Variants in PARD3 observed in about 807,000 individuals in gnomAD.
PARD3 encodes partitioning defective 3 homolog.
In PARD3, 75 loss-of-function variants were observed where a neutral mutation model predicts 155.4. The observed-to-expected ratio is 0.48, with a 90% CI of 0.40 to 0.58. The LOEUF is 0.58. Among genes scored for constraint, PARD3 ranks in the 20% least tolerant of loss-of-function variants. The pLI is 0.00. For missense variants in PARD3, 1,642 were observed against 1,721.7 expected, an observed-to-expected ratio of 0.95 and a Z score of 0.82; for synonymous variants, 576 against 610.5, an observed-to-expected ratio of 0.94 and a Z score of 0.83.
In PARD3 at chr10:34,145,719, C is replaced by T. The variant is rs372442042; in HGVS notation, c.3420-14136G>A. On this transcript the variant is annotated intron_variant, in intron 22 of 24. Coordinates refer to ENST00000374788, the MANE Select transcript of PARD3 (RefSeq NM_001184785.2). ...TAATTCCTTAATATTTTTCTCTTCT[C>T]TTAATTTTATGTTTCCTCCAAGTTC... Among the ~76,000 whole-genome samples the T allele has an allele frequency of 6.8e-4, 104 of 152,122 alleles. 1 individual carries two copies. The highest frequency in any genetic ancestry group is 2.1e-3 in the African/African-American group (88 of 41,460).
chr10:34,791,296 G>T (rs533129270), intron 1 of PARD3, among the ~76,000 whole-genome samples: 1 of 152,268 alleles, frequency 6.6e-6, no homozygotes, highest in South Asian at 2.1e-4. Flanking sequence ...ACTGGCCTGA[G>T]TCTCATCACC....
intron 1 of PARD3, among the ~76,000 whole-genome samples, chr10:34,704,121 G>A (rs2094327527): frequency 6.6e-6 from 1 of 152,140 alleles, no homozygotes; most frequent in South Asian, 2.1e-4. Flanking sequence ...GACCAGTCCA[G>A]ACACCCCAAA....
At chr10:34,407,515 G>A (rs1381641277) in intron 5 of PARD3, among the ~76,000 whole-genome samples, 2 of 152,220 alleles carry the variant, frequency 1.3e-5, no homozygotes, top group Non-Finnish European at 2.9e-5. Flanking sequence ...TGCCATAGTC[G>A]TAAGCTGCTG....
chr10:34,252,612 G>A (rs1027186469), intron 22 of PARD3, among the ~76,000 whole-genome samples: 5 of 152,110 alleles, frequency 3.3e-5, no homozygotes, highest in African/African-American at 1.2e-4. Context: ...GGATCATCCC[G>A]ACACAGTGGA....
At chr10:34,161,245 G>A (rs1401777467) in intron 22 of PARD3, among the ~76,000 whole-genome samples, 157 of 118,546 alleles carry the variant, frequency 1.3e-3, no homozygotes, top group East Asian at 4.3e-3. Flanking sequence ...ACCCTGTCTT[G>A]AAAAAAAAAA....
intron 20 of PARD3, among the ~76,000 whole-genome samples, chr10:34,309,461 G>T (rs549744124): frequency 6.7e-6 from 1 of 148,432 alleles, no homozygotes; most frequent in South Asian, 2.2e-4. Context: ...GGAAGGCTGA[G>T]GTGGGAGCAT....
At chr10:34,687,644 ATTCCTGC>A (rs2093973164) in intron 2 of PARD3, among the ~76,000 whole-genome samples, 1 of 152,112 alleles carries the variant, frequency 6.6e-6, no homozygotes, top group South Asian at 2.1e-4. Context: ...ACATGACATC[ATTCCTGC>A]TCAAAGCAAA....
At chr10:34,400,406 T>C (rs1485455310) in intron 6 of PARD3, among the ~76,000 whole-genome samples, 1 of 152,230 alleles carries the variant, frequency 6.6e-6, no homozygotes, top group Middle Eastern at 3.2e-3. Context: ...TTAATGAAAA[T>C]TTGTATAGAC....
At chr10:34,695,601 A>C (rs1181483915) in intron 2 of PARD3, among the ~76,000 whole-genome samples, 1 of 151,886 alleles carries the variant, frequency 6.6e-6, no homozygotes, top group East Asian at 1.9e-4. Flanking sequence ...TCCTCTCAAG[A>C]GTACAGAAAA....
chr10:34,182,571 C>T (rs998311738), intron 22 of PARD3, among the ~76,000 whole-genome samples: 72 of 152,162 alleles, frequency 4.7e-4, no homozygotes, highest in African/African-American at 1.5e-3. Flanking sequence ...GAATCAATTT[C>T]GGAAAACACC....
rs904889020 is a variant in PARD3 at position 34,461,608 on chromosome 10, GA to G, written c.582+8476del. On this transcript the variant is annotated intron_variant, in intron 4 of 24. Transcript: ENST00000374788. ...GCGACAGAGTGAGACTCCATCTCAA[GA>G]AAAATAAATAAATAAATAAAAAGAT... is the stretch of plus-strand genomic sequence containing the variant. Among the ~76,000 whole-genome samples the G allele has an allele frequency of 3.4e-4, 51 of 151,854 alleles. 1 individual carries two copies. The highest frequency in any genetic ancestry group is 1.2e-3 in the African/African-American group (49 of 41,330).
At chr10:34,436,707 C>A (rs1420657984) in intron 5 of PARD3, among the ~76,000 whole-genome samples, 1 of 152,052 alleles carries the variant, frequency 6.6e-6, no homozygotes, top group Non-Finnish European at 1.5e-5. Context: ...AACCTTAATG[C>A]CCATCAATAA....
chr10:34,562,966 T>G (rs890068284), intron 2 of PARD3, among the ~76,000 whole-genome samples: 1 of 152,096 alleles, frequency 6.6e-6, no homozygotes, highest in Non-Finnish European at 1.5e-5. Flanking sequence ...GACAGGTGTC[T>G]ACCTTTGTTG....
At chr10:34,164,232 T>C (rs1316586533) in intron 22 of PARD3, among the ~76,000 whole-genome samples, 2 of 152,180 alleles carry the variant, frequency 1.3e-5, no homozygotes, top group African/African-American at 4.8e-5. Flanking sequence ...CTTTGAAAGA[T>C]GAATAGGAAA....
intron 22 of PARD3, among the ~76,000 whole-genome samples, chr10:34,201,813 GT>G (rs1427292307): frequency 2.0e-5 from 3 of 152,160 alleles, no homozygotes; most frequent in Non-Finnish European, 2.9e-5. Flanking sequence ...AAGAAACGTC[GT>G]TCTGTTTCGC....
intron 5 of PARD3, among the ~76,000 whole-genome samples, chr10:34,441,530 C>T (rs188170760): frequency 1.1e-4 from 17 of 152,314 alleles, no homozygotes; most frequent in African/African-American, 4.1e-4. Flanking sequence ...CCCAGATTCA[C>T]TATGTCTTTT....
chr10:34,754,282 A>C (rs1836427555), intron 1 of PARD3, among the ~76,000 whole-genome samples: 1 of 152,244 alleles, frequency 6.6e-6, no homozygotes. Flanking sequence ...CTGGGATTAC[A>C]GGCATGAACC....
At chr10:34,599,294 T>TGAGGGTTA (rs2089567973) in intron 2 of PARD3, among the ~76,000 whole-genome samples, 1 of 152,174 alleles carries the variant, frequency 6.6e-6, no homozygotes, top group Non-Finnish European at 1.5e-5. Flanking sequence ...GTTAAACAAA[T>TGAGGGTTA]GATAGCTAAC....
At chr10:34,241,393 G>A (rs562126772) in intron 22 of PARD3, among the ~76,000 whole-genome samples, 10 of 152,300 alleles carry the variant, frequency 6.6e-5, no homozygotes, top group Non-Finnish European at 1.2e-4. Context: ...GGGGAGCACC[G>A]GTGGAGGGGA....
Sources: allele counts gnomAD v4.1 joint callset (sites outside exome capture counted in the v4.1 genomes callset), GRCh38; gene constraint gnomAD v4.1.1; transcripts MANE v1.5; gene names NCBI Gene and HGNC (gene_info 2026-07-23, HGNC 2026-07-21).